FZD3: variants seen among roughly 807,000 people sequenced by gnomAD.
FZD3 encodes frizzled-3.
In FZD3, 30 loss-of-function variants were observed where a neutral mutation model predicts 60.7. That is an observed-to-expected ratio of 0.49 (90% CI 0.37 to 0.67). The LOEUF (loss-of-function observed/expected upper bound fraction) is 0.67, where lower values mean the gene tolerates loss of function less well. Ranked by LOEUF, FZD3 falls within the 30% of genes least tolerant of loss-of-function variation. The pLI, the probability that FZD3 is intolerant of heterozygous loss-of-function variation, is 0.00. For missense variants in FZD3, 605 were observed against 838.7 expected (o/e 0.72, Z 3.44); for synonymous variants, 246 against 275.2 (o/e 0.89, Z 1.05).
At chr8:28,535,206 A>T (rs1235473973) in intron 5 of FZD3, among the ~76,000 whole-genome samples, 4 of 152,158 alleles carry the variant, frequency 2.6e-5, no homozygotes, top group Non-Finnish European at 5.9e-5. Flanking sequence ...GTTCTCGCTG[A>T]AAACAGTTTC....
rs999602805 is a variant in FZD3 at position 28,535,127 on chromosome 8, C to G, written c.1404+6963C>G. ...TTCAAAATACCAATTGGGTTTAGTG[C>G]AAATTGCATGAATGTAAATTCATAA... On this transcript the variant is annotated intron_variant, in intron 5 of 7. Transcript: ENST00000240093. Among the ~76,000 whole-genome samples the G allele has an allele frequency of 2.0e-5, 3 of 152,248 alleles. No homozygotes were observed. In the South Asian group the frequency reaches 6.2e-4, roughly 32 times the overall value.
chr8:28,556,200 A>G (rs1283967604), intron 7 of FZD3, among the ~76,000 whole-genome samples: 2 of 152,194 alleles, frequency 1.3e-5, no homozygotes, highest in Non-Finnish European at 2.9e-5. Flanking sequence ...CAGGGAAAAG[A>G]CAGGGTAAAA....
At position 28,527,679 on chromosome 8, in the gene FZD3, C is replaced by G; in HGVS notation, c.919C>G (p.Leu307Val). ...GGCTGGCAGTGTATGGTGGGTAATT[C>G]TTACCATCACATGGTTTTTAGCAGC... The part of the protein sequence containing the change: ...TMAGSVWWVI[L>V]TITWFLAAVP... Residue 307 changes from leucine (L) to valine (V), a missense_variant, in exon 5 of 8, where the codon CTT becomes GTT. Coordinates refer to ENST00000240093, the MANE Select transcript of FZD3 (RefSeq NM_017412.4). This position sits in a 1 kb window ranked among gnomAD's most constrained non-coding sequence, Gnocchi z 5.0. 6.2e-7 allele frequency: 1 copy of G among 1,614,074 alleles called. No individual in the cohort carries two copies. The highest frequency in any genetic ancestry group is 8.5e-7 in the Non-Finnish European group (1 of 1,179,970).
At chr8:28,538,382 C>T (rs1336101416) in intron 5 of FZD3, among the ~76,000 whole-genome samples, 1 of 151,998 alleles carries the variant, frequency 6.6e-6, no homozygotes, top group Non-Finnish European at 1.5e-5. Context: ...GTGTCATGTC[C>T]TATGCTCAAC....
intron 5 of FZD3, among the ~76,000 whole-genome samples, chr8:28,530,936 T>G (rs1013226179): frequency 6.6e-6 from 1 of 152,288 alleles, no homozygotes; most frequent in East Asian, 1.9e-4. Flanking sequence ...AATGTTTCCT[T>G]TTACTAATAT....
chr8:28,540,304 A>C (rs1399674761), intron 5 of FZD3, among the ~76,000 whole-genome samples: 1 of 152,278 alleles, frequency 6.6e-6, no homozygotes, highest in Non-Finnish European at 1.5e-5. Context: ...ATCTCGGCTC[A>C]CTGCAACCTC....
At chr8:28,516,138 A>G (rs1039123095) in intron 3 of FZD3, among the ~76,000 whole-genome samples, 2 of 152,170 alleles carry the variant, frequency 1.3e-5, no homozygotes, top group African/African-American at 4.8e-5. Context: ...TCTCTTGTTC[A>G]GTATCTTTTG....
rs1389728865 is a variant in FZD3, at chr8:28,572,576, G to A, written c.*9565G>A. The A allele has an allele frequency of 6.6e-6, 1 of 152,118 alleles. No individual in the cohort carries two copies. The allele number at this position is 152,118 out of a possible 1,614,324, so 9.4% of individuals were successfully genotyped here. A position where few individuals can be genotyped will look rare whatever the true frequency, so the allele number is the denominator to read the frequency against. On this transcript the variant is annotated 3_prime_UTR_variant, in exon 8 of 8. Coordinates refer to ENST00000240093, the MANE Select transcript of FZD3 (RefSeq NM_017412.4). The stretch of plus-strand genomic sequence containing the variant: ...TGTGCGTAAAGCTTTTATAATCTGA[G>A]ATATTGTTATGTATTAGGTTTGTGC...
In FZD3 at chr8:28,520,619, A is replaced by T; in HGVS notation, c.190-19A>T. 1 of 1,457,658 alleles carries T rather than the reference A, an allele frequency of 6.9e-7. No individual in the cohort carries two copies. Among genetic ancestry groups the T allele is most frequent in the Non-Finnish European group, 9.3e-7 (1 of 1,077,742 alleles). The allele number at this position is 1,457,658 out of a possible 1,614,324, so 90.3% of individuals were successfully genotyped here. ...TATACAGCTCTTTAACTAATTATTC[A>T]ATTTTAACTTTTCCCTAGCCATTCC... On this transcript the variant is annotated intron_variant, in intron 3 of 7. Transcript: ENST00000240093.
At chr8:28,521,741 G>A (rs538401709) in intron 4 of FZD3, among the ~76,000 whole-genome samples, 1 of 152,046 alleles carries the variant, frequency 6.6e-6, no homozygotes, top group Non-Finnish European at 1.5e-5. Context: ...ATCTATGTTT[G>A]TACCTGTAAC....
chr8:28,534,424 G>C (rs1381965864), intron 5 of FZD3, among the ~76,000 whole-genome samples: 1 of 152,144 alleles, frequency 6.6e-6, no homozygotes, highest in African/African-American at 2.4e-5. Context: ...ATGTTGGCAT[G>C]TGCCTGTAGT....
intron 3 of FZD3, among the ~76,000 whole-genome samples, chr8:28,518,185 A>G (rs539737906): frequency 6.6e-6 from 1 of 150,920 alleles, no homozygotes; most frequent in African/African-American, 2.4e-5. Context: ...CTGCCTCCCA[A>G]GTAGCTGGGA....
intron 7 of FZD3, among the ~76,000 whole-genome samples, chr8:28,561,681 T>A (rs1322773433): frequency 6.6e-6 from 1 of 152,104 alleles, no homozygotes; most frequent in African/African-American, 2.4e-5. Flanking sequence ...TTATACTAAG[T>A]TTTCTTTGAG....
intron 7 of FZD3, among the ~76,000 whole-genome samples, chr8:28,560,378 T>C (rs1805592603): frequency 6.6e-6 from 1 of 152,224 alleles, no homozygotes; most frequent in African/African-American, 2.4e-5. Context: ...TTCCTACATA[T>C]ACAGTTGAGA....
At chr8:28,535,452 G>A (rs1214960890) in intron 5 of FZD3, among the ~76,000 whole-genome samples, 2 of 152,048 alleles carry the variant, frequency 1.3e-5, no homozygotes, top group Admixed American at 1.3e-4. Context: ...TTTATCTAAT[G>A]TCCTATTTCT....
rs1373676365 is a variant in FZD3, at chr8:28,563,595, CTT to C, written c.*585_*586del. ...ATTTGATTAGTCTATGAAAGGTTCT[CTT>C]AAAATTCTATCGAAATAATCTTCAT... is the stretch of plus-strand genomic sequence containing the variant. On this transcript the variant is annotated 3_prime_UTR_variant, in exon 8 of 8. Coordinates refer to ENST00000240093, the MANE Select transcript of FZD3 (RefSeq NM_017412.4). The C allele has an allele frequency of 1.3e-5, 2 of 152,534 alleles. No homozygotes were observed. The highest frequency in any genetic ancestry group is 4.8e-5 in the African/African-American group (2 of 41,446). 9.4% of individuals were successfully genotyped at this position (152,534 alleles called of 1,614,324 possible). A position where few individuals can be genotyped will look rare whatever the true frequency, so the allele number is the denominator to read the frequency against.
intron 1 of FZD3, among the ~76,000 whole-genome samples, chr8:28,498,112 A>G (rs1803891454): frequency 6.6e-6 from 1 of 152,218 alleles, no homozygotes; most frequent in Admixed American, 6.5e-5. Context: ...TTAACCAAGT[A>G]ACTTAGTCCG....
At chr8:28,511,269 C>T (rs1283806753) in intron 3 of FZD3, among the ~76,000 whole-genome samples, 2 of 151,852 alleles carry the variant, frequency 1.3e-5, no homozygotes, top group Admixed American at 1.3e-4. Context: ...AGGCGGATCA[C>T]GAGGTCAAGA....
chr8:28,544,972 A>T (rs981967206), intron 5 of FZD3, among the ~76,000 whole-genome samples: 1 of 152,188 alleles, frequency 6.6e-6, no homozygotes, highest in African/African-American at 2.4e-5. Context: ...TCAGTGTACT[A>T]GTTCAGTCCC....
Sources: allele counts gnomAD v4.1 joint callset (sites outside exome capture counted in the v4.1 genomes callset), GRCh38; gene constraint gnomAD v4.1.1; non-coding constraint Gnocchi (gnomAD v3.1); transcripts MANE v1.5; gene names NCBI Gene and HGNC (gene_info 2026-07-23, HGNC 2026-07-21).